Variants in PRDM8 observed in about 807,000 individuals in gnomAD.
PRDM8 encodes the protein PR domain zinc finger protein 8.
A neutral mutation model predicts 46.5 loss-of-function variants in PRDM8; 13 were observed. The observed-to-expected ratio is 0.28, with a 90% CI of 0.18 to 0.44. PRDM8 has a LOEUF of 0.44. Among genes scored for constraint, PRDM8 ranks in the 20% least tolerant of loss-of-function variants. The probability of loss-of-function intolerance (pLI) is 1.00; values close to 1 mark genes in which losing one functional copy is unlikely to be tolerated. For synonymous variants in PRDM8, 473 were observed against 438.4 expected, an observed-to-expected ratio of 1.08 and a Z score of -0.98; for missense variants, 998 against 955.0, an observed-to-expected ratio of 1.04 and a Z score of -0.59.
rs1207292488 is a variant in PRDM8 at position 80,203,444 on chromosome 4, G to C, written c.1982G>C (p.Arg661Pro). The change falls in exon 4 of 4, where the codon CGG (arginine) becomes CCG (proline). Residue 661 changes from arginine to proline, a missense_variant. Arg to Pro is a moderately radical substitution (Grantham distance 103, BLOSUM62 -2). Transcript: ENST00000415738. ...EYAMEPLVKR[R>P]REEKLKCPIC... ...GCGATGGAGCCCTTGGTGAAGCGGCGGCGAGAGGAGAAACTCAAGTGCCCC... is the reference window on the plus strand; with the variant it reads ...GCGATGGAGCCCTTGGTGAAGCGGCCGCGAGAGGAGAAACTCAAGTGCCCC... The C allele has an allele frequency of 6.2e-7, 1 of 1,613,264 alleles. No homozygotes were observed. The highest frequency in any genetic ancestry group is 1.1e-5 in the South Asian group (1 of 90,786).
rs1249640343 is a variant in PRDM8, at chr4:80,202,868, C to G, written c.1406C>G (p.Ala469Gly). Residue 469 changes from alanine (A) to glycine (G), a missense_variant, in exon 4 of 4, where the codon GCG (alanine) becomes GGG (glycine). Physicochemically the swap from Ala to Gly is moderately conservative, Grantham distance 60. Transcript: ENST00000415738. ...ACTTCGGTGCCGCAGCTGGGCAGCG[C>G]GGGCAGCACCAGCGGTGGGGGCGGA... is the stretch of plus-strand genomic sequence containing the variant. Reference protein sequence around the residue: ...AFTSVPQLGSAGSTSGGGGTG... With the variant: ...AFTSVPQLGSGGSTSGGGGTG... 4 of 1,252,232 alleles carry G rather than the reference C, an allele frequency of 3.2e-6. No homozygotes were observed. Among genetic ancestry groups the G allele is most frequent in the East Asian group, 6.7e-5 (2 of 30,016 alleles). The allele number at this position is 1,252,232 out of a possible 1,614,324, so 77.6% of individuals were successfully genotyped here. A position where few individuals can be genotyped will look rare whatever the true frequency, so the allele number is the denominator to read the frequency against.
chr4:80,189,280 G>T (rs1231839316), intron 1 of PRDM8, among the ~76,000 whole-genome samples: 1 of 152,158 alleles, frequency 6.6e-6, no homozygotes, highest in Admixed American at 6.5e-5. Context: ...CGTTTCTAAC[G>T]TGGCACCGCG....
chr4:80,201,617 T>G lies in PRDM8; in HGVS notation c.451+96T>G. The G allele has an allele frequency of 7.2e-6, 9 of 1,255,360 alleles. No individual in the cohort carries two copies. The South Asian group carries it at 1.2e-4, about 16-fold the overall frequency. 77.8% of individuals were successfully genotyped at this position (1,255,360 alleles called of 1,614,324 possible). On this transcript the variant is annotated intron_variant, in intron 3 of 3. Transcript: ENST00000415738. ...CACCCGGCGCGTTGGCGCGCCTTTC[T>G]TCCCTTCGGGTGTCTCATAGGAAGA...
rs1454069268 is a variant in PRDM8 at position 80,203,135 on chromosome 4, G to T, written c.1673G>T (p.Gly558Val). The T allele has an allele frequency of 4.4e-5, 69 of 1,560,134 alleles. No homozygotes were observed. The highest frequency in any genetic ancestry group is 5.9e-5 in the Non-Finnish European group (68 of 1,160,990). The change falls in exon 4 of 4, where the codon GGT (glycine) becomes GTT (valine). Residue 558 changes from glycine (G) to valine (V), a missense_variant. By Grantham distance (109) the Gly-to-Val change is moderately radical (BLOSUM62 -3). Coordinates refer to ENST00000415738, the MANE Select transcript of PRDM8 (RefSeq NM_001099403.2). ...CAGGGGGCCGCGGACCTGAACGGAGGTTGCGGGTCCCTGCCGAGCGGCGGC... is the reference window on the plus strand; with the variant it reads ...CAGGGGGCCGCGGACCTGAACGGAGTTTGCGGGTCCCTGCCGAGCGGCGGC... ...KLQGAADLNGGCGSLPSGGGG... is the reference protein window; with the variant it reads ...KLQGAADLNGVCGSLPSGGGG...
chr4:80,201,824 G>A (rs1347151280), intron 3 of PRDM8, 90 bp from the exon 4 acceptor site: 6 of 1,571,292 alleles, frequency 3.8e-6, no homozygotes, highest in Non-Finnish European at 5.2e-6. Context: ...GTGGCAAACT[G>A]GCTTGGGGGC....
chr4:80,203,343 C>T lies in PRDM8; in HGVS notation c.1881C>T (p.Cys627=), dbSNP rs1316376395. 3.1e-6 allele frequency: 5 copies of T among 1,613,850 alleles called. No homozygotes were observed. Among genetic ancestry groups the T allele is most frequent in the East Asian group, 2.2e-5 (1 of 44,856 alleles). ...TGTGTCTGCCCGCGCAGAACTGGTG[C>T]GCCAAGTGCAATGCCTCCTTCCGCA... The part of the protein sequence containing the change: ...TSLCLPAQNW[C]AKCNASFRMT... Residue 627 remains cysteine (C), a synonymous_variant, in exon 4 of 4, where the codon TGC becomes TGT. Transcript: ENST00000415738.
rs764387669 is a variant in PRDM8, at chr4:80,202,968, G to A, written c.1506G>A (p.Ser502=). 1.9e-4 allele frequency: 277 copies of A among 1,491,544 alleles called. No individual in the cohort carries two copies. The African/African-American group carries it at 3.5e-3, about 19-fold the overall frequency. The allele number at this position is 1,491,544 out of a possible 1,614,324, so 92.4% of individuals were successfully genotyped here. Residue 502 remains serine (S), a synonymous_variant, in exon 4 of 4, where the codon TCG becomes TCA. Coordinates refer to ENST00000415738, the MANE Select transcript of PRDM8 (RefSeq NM_001099403.2). ...CGGACGAGCGCAAAAGCGCCTTCTC[G>A]CAGCCAGCACGCTCTTTCTCGCAGC... The part of the protein sequence containing the change: ...AASDERKSAF[S]QPARSFSQLS...
chr4:80,186,449 G>GAGAGAGAGAGAGAA (rs1268900496), intron 1 of PRDM8, among the ~76,000 whole-genome samples: 1 of 151,802 alleles, frequency 6.6e-6, no homozygotes, highest in Non-Finnish European at 1.5e-5. Flanking sequence ...GAGAGAGAGA[G>GAGAGAGAGAGAGAA]AGAGAGATTG....
At position 80,201,316 on chromosome 4, in the gene PRDM8, C is replaced by CGGT; in HGVS notation, c.246_247insGGT (p.Ser82_Ser83insGly). 1 of 1,614,194 alleles carries CGGT rather than the reference C, an allele frequency of 6.2e-7. No homozygotes were observed. Among genetic ancestry groups the CGGT allele is most frequent in the Non-Finnish European group, 8.5e-7 (1 of 1,180,038 alleles). On this transcript the variant is annotated inframe_insertion, in exon 3 of 4. Coordinates refer to ENST00000415738, the MANE Select transcript of PRDM8 (RefSeq NM_001099403.2). The stretch of plus-strand genomic sequence containing the variant: ...TAGACACCTCAGCAGCAAATGGTTC[C>CGGT]TCAGAAGGTCTCATGTGGCTGCGGT...
intron 1 of PRDM8, among the ~76,000 whole-genome samples, chr4:80,199,696 T>A (rs1443885935): frequency 8.0e-6 from 1 of 125,460 alleles, no homozygotes; most frequent in Non-Finnish European, 1.7e-5. Flanking sequence ...TATATATATG[T>A]ATATATATAT....
chr4:80,203,718 A>C lies in PRDM8; in HGVS notation c.*186A>C. The C allele has an allele frequency of 1.2e-6, 1 of 851,206 alleles. No homozygotes were observed. The highest frequency in any genetic ancestry group is 2.1e-5 in the African/African-American group (1 of 48,314). The allele number at this position is 851,206 out of a possible 1,614,324, so 52.7% of individuals were successfully genotyped here. A position where few individuals can be genotyped will look rare whatever the true frequency, so the allele number is the denominator to read the frequency against. ...CCTCTCCTCCCAGGAACCTCATTCA[A>C]ATATTTACCCGGGACACACACCCCC... is the stretch of plus-strand genomic sequence containing the variant. On this transcript the variant is annotated 3_prime_UTR_variant, in exon 4 of 4. Coordinates refer to ENST00000415738, the MANE Select transcript of PRDM8 (RefSeq NM_001099403.2).
upstream of PRDM8, among the ~76,000 whole-genome samples, chr4:80,195,434 T>C (rs903060403): frequency 6.6e-6 from 1 of 152,208 alleles, no homozygotes; most frequent in African/African-American, 2.4e-5. Flanking sequence ...GAGACATTAT[T>C]TTCACATTTC....
chr4:80,187,141 T>C (rs1157942904), intron 1 of PRDM8, among the ~76,000 whole-genome samples: 1 of 152,130 alleles, frequency 6.6e-6, no homozygotes, highest in African/African-American at 2.4e-5. Flanking sequence ...GGTTTTATTT[T>C]ATTCTCCTTT....
At chr4:80,196,696 G>A (rs1346398379), upstream of PRDM8, 9 of 935,162 alleles carry the variant, frequency 9.6e-6, no homozygotes, top group African/African-American at 1.4e-4. Flanking sequence ...GGGCTGCGCA[G>A]AACGCACCAA....
chr4:80,196,330 T>C (rs1737958309), upstream of PRDM8: 1 of 985,418 alleles, frequency 1.0e-6, no homozygotes, highest in Middle Eastern at 5.2e-4. Context: ...TCTATACCAC[T>C]CAAAGGCCTT....
intron 3 of PRDM8, 125 bp downstream of exon 3, chr4:80,201,646 TG>T: frequency 9.5e-7 from 1 of 1,052,188 alleles, no homozygotes; most frequent in Non-Finnish European, 1.4e-6. Flanking sequence ...AGGAAGATTC[TG>T]AGATGTAGTC....
chr4:80,201,866 G>C (rs200976264), intron 3 of PRDM8, 48 bp from the exon 4 acceptor site: 1 of 1,606,020 alleles, frequency 6.2e-7, no homozygotes, highest in African/African-American at 1.4e-5. Flanking sequence ...GTGCGTGTGT[G>C]TGTGTGTGTG....
At chr4:80,186,701 T>A (rs986696274) in intron 1 of PRDM8, among the ~76,000 whole-genome samples, 3 of 152,270 alleles carry the variant, frequency 2.0e-5, no homozygotes, top group South Asian at 2.1e-4. Context: ...AATCTGTTAG[T>A]GCCCCTTTTA....
upstream of PRDM8, chr4:80,196,568 G>A: frequency 2.0e-6 from 2 of 985,288 alleles, no homozygotes; most frequent in South Asian, 4.7e-5. Flanking sequence ...TCCACCACCC[G>A]CTGGATGTGA....
Sources: gnomAD v4.1 joint callset for allele counts (sites outside exome capture counted in the v4.1 genomes callset) on GRCh38, gnomAD v4.1.1 for gene constraint, MANE v1.5 for transcripts, NCBI Gene and HGNC (gene_info 2026-07-23, HGNC 2026-07-21) for gene names.